Variants in PLEKHG1 observed in about 807,000 individuals in gnomAD.
PLEKHG1 encodes the protein pleckstrin homology and RhoGEF domain containing G1, also known as pleckstrin homology domain-containing family G member 1.
In PLEKHG1, 44 loss-of-function variants were observed where a neutral mutation model predicts 100.8. The ratio of observed to expected loss-of-function variants is 0.44; its 90% confidence interval spans 0.34 to 0.56. PLEKHG1 has a LOEUF of 0.56. Ranked by LOEUF, PLEKHG1 falls within the 20% of genes least tolerant of loss-of-function variation. PLEKHG1 has a pLI of 0.01. For missense variants in PLEKHG1, 1,545 were observed against 1,720.9 expected (o/e 0.90, Z 1.81); for synonymous variants, 640 against 662.5 (o/e 0.97, Z 0.52).
At position 150,840,645 on chromosome 6, in the gene PLEKHG1, G is replaced by A. The variant is rs771723254; in HGVS notation, c.3907G>A (p.Asp1303Asn). The A allele has an allele frequency of 6.8e-6, 11 of 1,614,200 alleles. 1 individual carries two copies. In the South Asian group the frequency reaches 1.1e-4, roughly 16 times the overall value. ...ATCTCACAATCGTAGAAGGAAATCT[G>A]ACTCAAAGTTTGTGGATGCTGACTT... Residue 1303 changes from aspartate to asparagine, a missense_variant, in exon 16 of 16, where the codon GAC becomes AAC. Physicochemically the swap from Asp to Asn is conservative, Grantham distance 23. Transcript: ENST00000358517.
intron 2 of PLEKHG1, among the ~76,000 whole-genome samples, chr6:150,640,398 C>T (rs906101732): frequency 1.3e-5 from 2 of 152,206 alleles, no homozygotes; most frequent in African/African-American, 4.8e-5. Flanking sequence ...TACCAAGAAC[C>T]ATCATGTTCC....
At chr6:150,643,235 G>T (rs1456407723) in intron 2 of PLEKHG1, among the ~76,000 whole-genome samples, 1 of 152,104 alleles carries the variant, frequency 6.6e-6, no homozygotes, top group Non-Finnish European at 1.5e-5. Flanking sequence ...AAAATCTAAG[G>T]TCTGGACCAT....
chr6:150,659,469 C>T (rs1779097973), intron 3 of PLEKHG1, among the ~76,000 whole-genome samples: 1 of 152,144 alleles, frequency 6.6e-6, no homozygotes, highest in South Asian at 2.1e-4. Context: ...AAGTTATTTG[C>T]CAACCTCACC....
chr6:150,704,019 C>A (rs1254816593), intron 3 of PLEKHG1, among the ~76,000 whole-genome samples: 1 of 152,106 alleles, frequency 6.6e-6, no homozygotes, highest in Non-Finnish European at 1.5e-5. Context: ...TCAGGACTTA[C>A]AAAAAGATTC....
At chr6:150,601,867 T>A (rs1026485939) in intron 1 of PLEKHG1, among the ~76,000 whole-genome samples, 2 of 152,186 alleles carry the variant, frequency 1.3e-5, no homozygotes, top group Non-Finnish European at 2.9e-5. Flanking sequence ...CTACTCTAAA[T>A]GGGCACCCTG....
intron 1 of PLEKHG1, among the ~76,000 whole-genome samples, chr6:150,730,058 A>C (rs1446287728): frequency 2.0e-5 from 3 of 152,322 alleles, no homozygotes; most frequent in African/African-American, 7.2e-5. Context: ...AAATGATGAT[A>C]AGAAAATAAT....
chr6:150,827,655 G>C, intron 14 of PLEKHG1: 1 of 856,040 alleles, frequency 1.2e-6, no homozygotes, highest in Admixed American at 1.7e-5. Flanking sequence ...AACTGAACTG[G>C]AAACAAGATG....
chr6:150,680,821 A>G (rs1285584487), intron 3 of PLEKHG1, among the ~76,000 whole-genome samples: 1 of 152,206 alleles, frequency 6.6e-6, no homozygotes, highest in African/African-American at 2.4e-5. Flanking sequence ...CAGTGAGTAC[A>G]GATAACCCAT....
At chr6:150,773,503 C>A (rs1784805827) in intron 3 of PLEKHG1, among the ~76,000 whole-genome samples, 1 of 152,246 alleles carries the variant, frequency 6.6e-6, no homozygotes, top group Non-Finnish European at 1.5e-5. Flanking sequence ...CACTGCACTT[C>A]AGCCTCGGCG....
chr6:150,671,422 A>G (rs1291723875), intron 3 of PLEKHG1, among the ~76,000 whole-genome samples: 1 of 152,238 alleles, frequency 6.6e-6, no homozygotes, highest in Non-Finnish European at 1.5e-5. Flanking sequence ...TCCGTCCTAG[A>G]GTATTCCTTA....
chr6:150,819,830 T>C, intron 12 of PLEKHG1, 56 bp downstream of exon 13: 1 of 949,992 alleles, frequency 1.1e-6, no homozygotes, highest in Non-Finnish European at 1.7e-6. Flanking sequence ...GCAATGAAAG[T>C]CCCTTTGAGT....
At chr6:150,653,404 C>G (rs1582889587) in intron 3 of PLEKHG1, among the ~76,000 whole-genome samples, 6 of 151,948 alleles carry the variant, frequency 3.9e-5, no homozygotes, top group Admixed American at 3.3e-4. Flanking sequence ...AGGCTCACCC[C>G]CCACGTGTAT....
At position 150,808,980 on chromosome 6, in the gene PLEKHG1, C is replaced by T. The variant is rs941850983; in HGVS notation, c.913-125C>T. 42 of 688,072 alleles carry T rather than the reference C, an allele frequency of 6.1e-5. No individual in the cohort carries two copies. The Middle Eastern group carries it at 7.5e-4, about 12-fold the overall frequency. 42.6% of individuals were successfully genotyped at this position (688,072 alleles called of 1,614,324 possible). On this transcript the variant is annotated intron_variant, in intron 7 of 15. Coordinates refer to ENST00000358517, the Ensembl canonical transcript of PLEKHG1. ...TTATGTCATAGACCATCAGATACCA[C>T]GTAGATAGTTAGACCCCCTCAGGGA...
intron 1 of PLEKHG1, among the ~76,000 whole-genome samples, chr6:150,726,945 A>C (rs190555703): frequency 2.8e-4 from 43 of 152,344 alleles, no homozygotes; most frequent in African/African-American, 9.1e-4. Flanking sequence ...TTAAAGCATT[A>C]AGTCAGTTGT....
At chr6:150,795,739 A>C in intron 4 of PLEKHG1, 117 bp from the exon 6 acceptor site, 1 of 430,292 alleles carries the variant, frequency 2.3e-6, no homozygotes, top group Non-Finnish European at 4.0e-6. Context: ...AAAACAAAAA[A>C]CATATATATA....
At chr6:150,698,397 C>T (rs1301780816) in intron 3 of PLEKHG1, among the ~76,000 whole-genome samples, 1 of 152,064 alleles carries the variant, frequency 6.6e-6, no homozygotes, top group African/African-American at 2.4e-5. Flanking sequence ...TGAAAGATAC[C>T]AATGTTGATC....
chr6:150,676,041 G>C (rs894957219), intron 3 of PLEKHG1, among the ~76,000 whole-genome samples: 12 of 152,108 alleles, frequency 7.9e-5, no homozygotes, highest in African/African-American at 2.9e-4. Context: ...ATGAACTAAA[G>C]AATTACAGAT....
At chr6:150,703,075 A>G (rs1383432514) in intron 3 of PLEKHG1, among the ~76,000 whole-genome samples, 2 of 152,196 alleles carry the variant, frequency 1.3e-5, no homozygotes, top group Non-Finnish European at 2.9e-5. Context: ...TTTAGATGAA[A>G]AAATGGCCAA....
At chr6:150,653,438 CA>C (rs941516607) in intron 3 of PLEKHG1, among the ~76,000 whole-genome samples, 16 of 146,552 alleles carry the variant, frequency 1.1e-4, no homozygotes, top group Admixed American at 3.4e-4. Flanking sequence ...ATTTGAATGC[CA>C]AAAAAAAAAT....
Sources: allele counts gnomAD v4.1 joint callset (sites outside exome capture counted in the v4.1 genomes callset), GRCh38; gene constraint gnomAD v4.1.1; transcripts MANE v1.5; gene names NCBI Gene and HGNC (gene_info 2026-07-23, HGNC 2026-07-21).